ADAMTS7: variants seen among roughly 807,000 people sequenced by gnomAD.
ADAMTS7 encodes ADAM metallopeptidase with thrombospondin type 1 motif 7.
Under a neutral mutation model 172.6 loss-of-function variants are expected in ADAMTS7, and 89 were observed. The ratio of observed to expected loss-of-function variants is 0.52; its 90% CI spans 0.43 to 0.61. The LOEUF (loss-of-function observed/expected upper bound fraction) is 0.61, where lower values mean the gene tolerates loss of function less well. Ranked by LOEUF, ADAMTS7 falls within the 20% of genes least tolerant of loss-of-function variation. The pLI is 0.00. For synonymous variants in ADAMTS7, 885 were observed against 978.4 expected, an observed-to-expected ratio of 0.90 and a Z score of 1.78; for missense variants, 1,973 against 2,355.6, an observed-to-expected ratio of 0.84 and a Z score of 3.36.
intron 1 of ADAMTS7, among the ~76,000 whole-genome samples, chr15:78,809,716 C>G (rs1027076908): frequency 2.6e-5 from 4 of 152,216 alleles, no homozygotes; most frequent in Non-Finnish European, 5.9e-5. Context: ...TCTCCCATTC[C>G]CATCGCCCGG....
chr15:78,778,831 T>C lies in ADAMTS7; in HGVS notation c.1323-1243A>G, dbSNP rs1011534028. On this transcript the variant is annotated intron_variant, in intron 8 of 23. Coordinates refer to ENST00000388820, the MANE Select transcript of ADAMTS7 (RefSeq NM_014272.5). ...GTTGCACAGGGAAGAAGGGCAAAGG[T>C]GATAGATCCTGGAGTCCAGCAGGGA... 2.0e-5 allele frequency among the ~76,000 whole-genome samples: 3 copies of C among 151,276 alleles called. No individual in the cohort carries two copies. In the South Asian group the frequency reaches 6.3e-4, roughly 32 times the overall value.
chr15:78,774,708 A>C lies in ADAMTS7; in HGVS notation c.1792T>G (p.Ser598Ala). Residue 598 changes from serine (S) to alanine (A), a missense_variant, in exon 12 of 24, where the codon TCC becomes GCC. Physicochemically the swap from Ser to Ala is moderately conservative, Grantham distance 99. Transcript: ENST00000388820. ...TGGCTGCACTGGACGTGGCGGAAGG[A>C]GGGGCGGCCAGCAGGGCAGGCCTGC... The part of the protein sequence containing the change: ...NLQACPAGRP[S>A]FRHVQCSHFD... The C allele has an allele frequency of 6.2e-7, 1 of 1,611,642 alleles. No homozygotes were observed. The highest frequency in any genetic ancestry group is 8.5e-7 in the Non-Finnish European group (1 of 1,179,790).
At chr15:78,809,941 C>T (rs1490865567) in intron 1 of ADAMTS7, among the ~76,000 whole-genome samples, 1 of 152,268 alleles carries the variant, frequency 6.6e-6, no homozygotes, top group Non-Finnish European at 1.5e-5. Context: ...AATGTTCGCT[C>T]CCTCTGCGCT....
intron 7 of ADAMTS7, among the ~76,000 whole-genome samples, 176 bp downstream of exon 7, chr15:78,789,513 G>C (rs1465053932): frequency 6.6e-6 from 1 of 152,264 alleles, no homozygotes; most frequent in East Asian, 1.9e-4. Context: ...TTACAGGGAA[G>C]CAGCCTGGTT....
chr15:78,810,865 G>A (rs2055857339), intron 1 of ADAMTS7: 1 of 356,462 alleles, frequency 2.8e-6, no homozygotes, highest in East Asian at 4.2e-5. Flanking sequence ...AGAGCGGAAG[G>A]GGCTTATTCC....
chr15:78,769,756 C>T (rs1399071997), intron 16 of ADAMTS7, among the ~76,000 whole-genome samples: 2 of 152,264 alleles, frequency 1.3e-5, no homozygotes, highest in Non-Finnish European at 2.9e-5. Context: ...CTTGCCTCTG[C>T]AGATGCTCCC....
intron 8 of ADAMTS7, among the ~76,000 whole-genome samples, chr15:78,778,085 A>T (rs1045286776): frequency 1.3e-5 from 2 of 152,182 alleles, no homozygotes; most frequent in African/African-American, 4.8e-5. Context: ...CCTGGGAGAG[A>T]GCCCAGGGCA....
At chr15:78,775,609 G>A (rs7171916) in intron 11 of ADAMTS7, among the ~76,000 whole-genome samples, 1 of 151,584 alleles carries the variant, frequency 6.6e-6, no homozygotes, top group Non-Finnish European at 1.5e-5. Context: ...AGTCGCTCAC[G>A]TCAGGCCACC....
Position 78,760,970 on chromosome 15 carries a change from CCA to C in ADAMTS7, c.4904-1394_4904-1393del, listed in dbSNP as rs1269274301. ...GTTCTCTGCCCCATCTGGTCCTCCC[CCA>C]CTGGGATCATAACCACCCCGCTCCC... On this transcript the variant is annotated intron_variant, in intron 23 of 23. Transcript: ENST00000388820. Among the ~76,000 whole-genome samples the C allele has an allele frequency of 9.1e-3, 1,389 of 152,248 alleles. 26 individuals are homozygous for C. The highest frequency in any genetic ancestry group is 0.031 in the African/African-American group (1,304 of 41,542).
At chr15:78,768,022 C>CCTGGGGGTGGGGAGTTGGCGGGGG in intron 17 of ADAMTS7, 111 bp downstream of exon 17, 2 of 255,170 alleles carry the variant, frequency 7.8e-6, no homozygotes, top group East Asian at 7.9e-5. Context: ...ACCCAGGATG[C>CCTGGGGGTGGGGAGTTGGCGGGGG]CTGGGGGTGG....
At chr15:78,778,491 C>T (rs1350114639) in intron 8 of ADAMTS7, among the ~76,000 whole-genome samples, 4 of 152,232 alleles carry the variant, frequency 2.6e-5, no homozygotes, top group African/African-American at 9.6e-5. Context: ...AGTGCCCTGG[C>T]ATGCTGACCA....
At position 78,759,416 on chromosome 15, in the gene ADAMTS7, C is replaced by T. The variant is rs192842709; in HGVS notation, c.*5G>A. ...CTGTCGGTCGGTCTGTGCATCCTGG[C>T]GCAGTCAGCGGCGGGCAACCCGCTG... On this transcript the variant is annotated 3_prime_UTR_variant, in exon 24 of 24. Transcript: ENST00000388820. The T allele has an allele frequency of 9.9e-4, 1,580 of 1,590,218 alleles. 8 individuals are homozygous for T. In the Middle Eastern group the frequency reaches 0.01, roughly 10 times the overall value.
intron 7 of ADAMTS7, among the ~76,000 whole-genome samples, chr15:78,788,830 T>C (rs1206654516): frequency 2.0e-5 from 3 of 152,234 alleles, no homozygotes; most frequent in Admixed American, 6.5e-5. Context: ...AGACCATCCT[T>C]GGGAAGGATA....
chr15:78,800,044 C>T, intron 2 of ADAMTS7, 148 bp downstream of exon 2: 1 of 706,920 alleles, frequency 1.4e-6, no homozygotes, highest in Non-Finnish European at 2.3e-6. Context: ...TGCGTTGTCA[C>T]TCCCACTTTA....
At chr15:78,802,007 A>AT (rs1002041164) in intron 1 of ADAMTS7, among the ~76,000 whole-genome samples, 15 of 149,252 alleles carry the variant, frequency 1.0e-4, no homozygotes, top group East Asian at 2.0e-4. Context: ...ATAATTTTTT[A>AT]TTTTTTTTTG....
In ADAMTS7 at chr15:78,796,618, T is replaced by C. The variant is rs779948273; in HGVS notation, c.791A>G (p.Glu264Gly). ...MVEYHGQPQVESYVLTIMNMV... is the reference protein window; with the variant it reads ...MVEYHGQPQVGSYVLTIMNMV... ...GTTCATGATGGTCAGCACATAGCTC[T>C]CAACCTGCGGCTGTCCGTGGTACTC... Residue 264 changes from glutamate (E) to glycine (G), a missense_variant, in exon 4 of 24, where the codon GAG becomes GGG. Physicochemically the swap from Glu to Gly is moderately conservative, Grantham distance 98. Coordinates refer to ENST00000388820, the MANE Select transcript of ADAMTS7 (RefSeq NM_014272.5). The C allele has an allele frequency of 6.2e-7, 1 of 1,613,714 alleles. No individual in the cohort carries two copies. The highest frequency in any genetic ancestry group is 8.5e-7 in the Non-Finnish European group (1 of 1,179,928).
chr15:78,803,455 C>CTTT (rs11447592), intron 1 of ADAMTS7, among the ~76,000 whole-genome samples: 2 of 143,908 alleles, frequency 1.4e-5, no homozygotes, highest in Admixed American at 6.9e-5. Flanking sequence ...CAACTATGGT[C>CTTT]TTTTTTTTTT....
At chr15:78,798,760 T>C (rs1334025946) in intron 2 of ADAMTS7, among the ~76,000 whole-genome samples, 1 of 152,154 alleles carries the variant, frequency 6.6e-6, no homozygotes, top group Admixed American at 6.5e-5. Flanking sequence ...GGAAGCATCT[T>C]TGATGCCCAC....
At chr15:78,809,125 A>G (rs995996917) in intron 1 of ADAMTS7, among the ~76,000 whole-genome samples, 24 of 152,190 alleles carry the variant, frequency 1.6e-4, no homozygotes, top group Non-Finnish European at 1.8e-4. Context: ...CACAGAGTTC[A>G]CATGTGCCAT....
Sources: gnomAD v4.1 joint callset for allele counts (sites outside exome capture counted in the v4.1 genomes callset) on GRCh38, gnomAD v4.1.1 for gene constraint, MANE v1.5 for transcripts, NCBI Gene and HGNC (gene_info 2026-07-23, HGNC 2026-07-21) for gene names.